Variants in PPP1R12B observed in about 807,000 individuals in gnomAD.
PPP1R12B encodes the protein myosin phosphatase target subunit 2.
A neutral mutation model predicts 126.1 loss-of-function variants in PPP1R12B; 76 were observed. The observed-to-expected ratio is 0.60, with a 90% CI of 0.50 to 0.73. The LOEUF (loss-of-function observed/expected upper bound fraction) is 0.73. PPP1R12B is among the 30% of genes least tolerant of loss of function. PPP1R12B has a pLI of 0.00. For synonymous variants in PPP1R12B, 356 were observed against 434.7 expected, an observed-to-expected ratio of 0.82 and a Z score of 2.25; for missense variants, 1,052 against 1,205.1, an observed-to-expected ratio of 0.87 and a Z score of 1.88.
At position 202,371,459 on chromosome 1, in the gene PPP1R12B, C is replaced by T. The variant is rs1397193794; in HGVS notation, c.291+22317C>T. 4.6e-5 allele frequency among the ~76,000 whole-genome samples: 7 copies of T among 151,702 alleles called. No homozygotes were observed. The East Asian group carries it at 5.8e-4, about 13-fold the overall frequency. ...TGACTAGTGATGTTCAGCACCTTTT[C>T]GCATATTTATTCATTATTTGGAGTG... On this transcript the variant is annotated intron_variant, in intron 1 of 23. Coordinates refer to ENST00000608999, the MANE Select transcript of PPP1R12B (RefSeq NM_002481.4).
chr1:202,540,063 G>A, intron 18 of PPP1R12B: 5 of 1,473,930 alleles, frequency 3.4e-6, no homozygotes, highest in Non-Finnish European at 4.5e-6. Context: ...GATTCTGTGA[G>A]GGTAACCTAC....
At chr1:202,472,040 C>G (rs1373219852) in intron 13 of PPP1R12B, 1 of 1,594,392 alleles carries the variant, frequency 6.3e-7, no homozygotes, top group East Asian at 2.2e-5. Context: ...AATTGGGGCT[C>G]TGCACCAGGC....
At chr1:202,422,171 TG>T (rs568218318) in intron 2 of PPP1R12B, among the ~76,000 whole-genome samples, 25 of 152,360 alleles carry the variant, frequency 1.6e-4, no homozygotes, top group African/African-American at 4.6e-4. Context: ...GAAGATTTCA[TG>T]TGGATGTCTG....
chr1:202,481,542 TA>T (rs568589822), intron 13 of PPP1R12B, among the ~76,000 whole-genome samples: 1,456 of 117,748 alleles, frequency 0.012, 11 homozygotes, highest in South Asian at 0.052. Flanking sequence ...GTTTTTTTAA[TA>T]AAAAAAAATT....
chr1:202,431,133 AT>A (rs144610634), intron 7 of PPP1R12B, among the ~76,000 whole-genome samples: 1,862 of 152,302 alleles, frequency 0.012, 47 homozygotes, highest in African/African-American at 0.043. Context: ...GACAATGTCT[AT>A]TTTGTTTATG....
chr1:202,451,776 C>T (rs534574742), intron 13 of PPP1R12B, among the ~76,000 whole-genome samples: 19 of 150,562 alleles, frequency 1.3e-4, no homozygotes, highest in Non-Finnish European at 2.5e-4. Context: ...ACCTCCCGGA[C>T]GGGGCGGCTG....
At chr1:202,535,041 ATG>A (rs999207476) in intron 18 of PPP1R12B, among the ~76,000 whole-genome samples, 21 of 149,804 alleles carry the variant, frequency 1.4e-4, no homozygotes, top group Admixed American at 7.3e-4. Flanking sequence ...ATGGATGATT[ATG>A]TGTGTGTGTG....
chr1:202,564,786 C>T (rs1484164968), intron 21 of PPP1R12B, among the ~76,000 whole-genome samples: 2 of 152,214 alleles, frequency 1.3e-5, no homozygotes, highest in East Asian at 3.8e-4. Flanking sequence ...ATAATTAATA[C>T]TATGGCTCAT....
At chr1:202,500,218 GCTCT>G (rs151303629) in intron 18 of PPP1R12B, among the ~76,000 whole-genome samples, 1,611 of 146,200 alleles carry the variant, frequency 0.011, 19 homozygotes, top group African/African-American at 0.032. Flanking sequence ...TCTCTCTCTT[GCTCT>G]CTCTCTCTCT....
intron 18 of PPP1R12B, among the ~76,000 whole-genome samples, chr1:202,498,430 C>T (rs1383205563): frequency 1.3e-5 from 2 of 152,172 alleles, no homozygotes; most frequent in Admixed American, 6.5e-5. Flanking sequence ...AAATATATTC[C>T]AAGTGCCAAT....
At chr1:202,531,340 A>G (rs553389284) in intron 18 of PPP1R12B, among the ~76,000 whole-genome samples, 2 of 152,326 alleles carry the variant, frequency 1.3e-5, no homozygotes, top group South Asian at 4.1e-4. Flanking sequence ...TATGAGATCA[A>G]AAATTATTTA....
intron 1 of PPP1R12B, among the ~76,000 whole-genome samples, chr1:202,413,997 C>G (rs1667742423): frequency 6.6e-6 from 1 of 152,152 alleles, no homozygotes; most frequent in Non-Finnish European, 1.5e-5. Flanking sequence ...TCCTGGCTCA[C>G]TGCAACGTCT....
At chr1:202,500,163 C>T (rs1428168111) in intron 18 of PPP1R12B, among the ~76,000 whole-genome samples, 8 of 152,100 alleles carry the variant, frequency 5.3e-5, no homozygotes, top group Non-Finnish European at 1.0e-4. Flanking sequence ...AAAGAGATGA[C>T]GCTCCCTGGT....
intron 13 of PPP1R12B, among the ~76,000 whole-genome samples, chr1:202,459,530 T>C (rs1428002840): frequency 1.3e-5 from 2 of 152,138 alleles, no homozygotes; most frequent in Non-Finnish European, 2.9e-5. Flanking sequence ...GTGAAGTTCC[T>C]TTTTTTCCCC....
At chr1:202,367,075 G>T (rs1022433777) in intron 1 of PPP1R12B, among the ~76,000 whole-genome samples, 1 of 152,016 alleles carries the variant, frequency 6.6e-6, no homozygotes, top group African/African-American at 2.4e-5. Flanking sequence ...ATTTTTAGTT[G>T]GTTGCAAAAC....
At chr1:202,452,066 C>G (rs1047948581) in intron 13 of PPP1R12B, among the ~76,000 whole-genome samples, 62 of 149,476 alleles carry the variant, frequency 4.1e-4, no homozygotes, top group Non-Finnish European at 3.3e-4. Context: ...ACATCCCAGA[C>G]GGGGCGGCGG....
At position 202,571,657 on chromosome 1, in the gene PPP1R12B, T is replaced by C. The variant is rs548402464; in HGVS notation, c.2862+2460T>C. Among the ~76,000 whole-genome samples the C allele has an allele frequency of 2.6e-5, 4 of 152,350 alleles. No homozygotes were observed. The South Asian group carries it at 8.3e-4, about 32-fold the overall frequency. On this transcript the variant is annotated intron_variant, in intron 23 of 23. Transcript: ENST00000608999. The stretch of plus-strand genomic sequence containing the variant: ...TTTTAGTAGAGACAGGGTTTCACCA[T>C]GTTGCACCAGGTGGTCTCGAACTCC...
chr1:202,491,911 T>C (rs1678932157), intron 14 of PPP1R12B, among the ~76,000 whole-genome samples: 2 of 152,254 alleles, frequency 1.3e-5, no homozygotes, highest in South Asian at 2.1e-4. Context: ...AAATCTGTTA[T>C]GACCTAGCCT....
At chr1:202,354,926 C>G (rs544911734) in intron 1 of PPP1R12B, among the ~76,000 whole-genome samples, 1 of 151,304 alleles carries the variant, frequency 6.6e-6, no homozygotes, top group Non-Finnish European at 1.5e-5. Flanking sequence ...CCCGGGTTCA[C>G]GCCATTCTCC....
Sources: allele counts gnomAD v4.1 joint callset (sites outside exome capture counted in the v4.1 genomes callset), GRCh38; gene constraint gnomAD v4.1.1; transcripts MANE v1.5; gene names NCBI Gene and HGNC (gene_info 2026-07-23, HGNC 2026-07-21).